Variants in TNIP2 observed in about 807,000 individuals in gnomAD.
The protein encoded by TNIP2 is TNFAIP3 interacting protein 2.
In TNIP2, 30 loss-of-function variants were observed where a neutral mutation model predicts 43.7. The ratio of observed to expected loss-of-function variants is 0.69; its 90% CI spans 0.51 to 0.93. The LOEUF (loss-of-function observed/expected upper bound fraction) is 0.93. Ranked by LOEUF, TNIP2 falls within the 40% of genes least tolerant of loss-of-function variation. The pLI is 0.00. For missense variants in TNIP2, 599 were observed against 591.0 expected (o/e 1.01, Z -0.14); for synonymous variants, 260 against 254.6 (o/e 1.02, Z -0.20).
At chr4:2,747,995 TC>T in intron 1 of TNIP2, 50 bp from the exon 2 acceptor site, 1 of 1,580,052 alleles carries the variant, frequency 6.3e-7, no homozygotes, top group East Asian at 2.2e-5. Context: ...AGAAGCAGTG[TC>T]AAGAGCAAAT....
chr4:2,755,474 C>A (rs1366165381), intron 1 of TNIP2, among the ~76,000 whole-genome samples: 1 of 147,600 alleles, frequency 6.8e-6, no homozygotes, highest in Non-Finnish European at 1.5e-5. Flanking sequence ...TCCCAACCCC[C>A]CAGGATCCAG....
chr4:2,754,789 G>C (rs1210247035), intron 1 of TNIP2, among the ~76,000 whole-genome samples: 3 of 152,116 alleles, frequency 2.0e-5, no homozygotes, highest in Non-Finnish European at 2.9e-5. Flanking sequence ...GCAGTGGTGC[G>C]ATCTTGGCTC....
chr4:2,745,091 G>A (rs375507494), intron 3 of TNIP2, 146 bp from the exon 4 acceptor site: 18 of 1,090,452 alleles, frequency 1.7e-5, no homozygotes, highest in East Asian at 5.2e-5. Flanking sequence ...GTTCTGTAGA[G>A]AGCAGACACT....
At chr4:2,742,594 C>T in intron 5 of TNIP2, 74 bp from the exon 6 acceptor site, 1 of 1,426,912 alleles carries the variant, frequency 7.0e-7, no homozygotes, top group Non-Finnish European at 9.3e-7. Context: ...GTTCCAGCAA[C>T]CAGAGGCACT....
intron 3 of TNIP2, 71 bp downstream of exon 3, chr4:2,745,375 C>T: frequency 8.3e-7 from 1 of 1,206,906 alleles, no homozygotes; most frequent in Non-Finnish European, 1.2e-6. Context: ...GGGCATCAGC[C>T]AAGGAAAGAA....
intron 1 of TNIP2, among the ~76,000 whole-genome samples, chr4:2,749,929 A>G (rs1722059012): frequency 6.6e-6 from 1 of 152,110 alleles, no homozygotes; most frequent in Admixed American, 6.6e-5. Flanking sequence ...CTCTTGCCTC[A>G]GCACCCTAAG....
chr4:2,753,995 G>C (rs1722163909), intron 1 of TNIP2, among the ~76,000 whole-genome samples: 1 of 152,210 alleles, frequency 6.6e-6, no homozygotes, highest in African/African-American at 2.4e-5. Flanking sequence ...GGAAAAACAG[G>C]AAGAAGGCAT....
chr4:2,745,659 T>C (rs1721927989), intron 2 of TNIP2, 124 bp from the exon 3 acceptor site: 13 of 701,084 alleles, frequency 1.9e-5, no homozygotes, highest in Non-Finnish European at 5.0e-6. Context: ...TAGTGATCAT[T>C]CATTTGGTAG....
At chr4:2,742,591 CA>C in intron 5 of TNIP2, 71 bp from the exon 6 acceptor site, 1 of 1,419,442 alleles carries the variant, frequency 7.0e-7, no homozygotes, top group Non-Finnish European at 9.3e-7. Context: ...CAGGTTCCAG[CA>C]ACCAGAGGCA....
chr4:2,750,755 C>A (rs1291265672), intron 1 of TNIP2, among the ~76,000 whole-genome samples: 1 of 151,668 alleles, frequency 6.6e-6, no homozygotes, highest in African/African-American at 2.4e-5. Context: ...CTCAAGCAAT[C>A]CTCCTCCTGC....
At chr4:2,750,700 G>C (rs1319668944) in intron 1 of TNIP2, among the ~76,000 whole-genome samples, 1 of 148,198 alleles carries the variant, frequency 6.7e-6, no homozygotes, top group Non-Finnish European at 1.5e-5. Flanking sequence ...TTTTGATAAA[G>C]ACAGGGTGTG....
chr4:2,744,377 C>A lies in TNIP2; in HGVS notation c.1026+10G>T, dbSNP rs1721879038. 2 of 1,614,186 alleles carry A rather than the reference C, an allele frequency of 1.2e-6. No homozygotes were observed. The highest frequency in any genetic ancestry group is 8.5e-7 in the Non-Finnish European group (1 of 1,180,034). ...ACCTAAGCAGGAAGAAAAACGCCCT[C>A]ATACTCTACCTGTCTCCAGGACACC... On this transcript the variant is annotated intron_variant, in intron 5 of 5. Transcript: ENST00000315423. This position sits in a 1 kb window ranked among gnomAD's most constrained non-coding sequence, Gnocchi z 5.1.
chr4:2,744,823 C>A lies in TNIP2; in HGVS notation c.780G>T (p.Glu260Asp). 2 of 1,613,874 alleles carry A rather than the reference C, an allele frequency of 1.2e-6. No individual in the cohort carries two copies. Among genetic ancestry groups the A allele is most frequent in the South Asian group, 1.1e-5 (1 of 91,090 alleles). ...CCAACTGTCTGTTGAGCCGGGAGATCTCCTTCCTCATCAGCTCGGGCTCGT... is the reference window on the plus strand; with the variant it reads ...CCAACTGTCTGTTGAGCCGGGAGATATCCTTCCTCATCAGCTCGGGCTCGT... ...IPHEPELMRK[E>D]ISRLNRQLEE... Residue 260 changes from glutamate (E) to aspartate (D), a missense_variant, in exon 4 of 6, where the codon GAG becomes GAT. Glu to Asp is a conservative substitution (Grantham distance 45, BLOSUM62 2). Transcript: ENST00000315423. This position sits in a 1 kb window ranked among gnomAD's most constrained non-coding sequence, Gnocchi z 5.1.
At chr4:2,745,025 A>G in intron 3 of TNIP2, 80 bp from the exon 4 acceptor site, 1 of 1,503,718 alleles carries the variant, frequency 6.7e-7, no homozygotes, top group Non-Finnish European at 8.9e-7. Context: ...TGAATTATGT[A>G]TTAGCAGTGA....
chr4:2,755,832 C>T (rs1722221989), intron 1 of TNIP2, 182 bp downstream of exon 1: 3 of 856,532 alleles, frequency 3.5e-6, no homozygotes, highest in Non-Finnish European at 4.8e-6. Context: ...GACCCGGCAC[C>T]CCCTCAACTC....
In TNIP2 at chr4:2,755,971, C is replaced by T. The variant is rs756761713; in HGVS notation, c.276+43G>A. The T allele has an allele frequency of 2.6e-5, 39 of 1,503,150 alleles. No individual in the cohort carries two copies. The East Asian group carries it at 8.1e-4, about 31-fold the overall frequency. 93.1% of individuals were successfully genotyped at this position (1,503,150 alleles called of 1,614,324 possible). A position where few individuals can be genotyped will look rare whatever the true frequency, so the allele number is the denominator to read the frequency against. ...CACCCAGGACCCGGCGGCCGCCACA[C>T]GCACTCTCGCTCCCGCAGCTCCTCT... On this transcript the variant is annotated intron_variant, in intron 1 of 5. Transcript: ENST00000315423.
At chr4:2,746,309 C>T (rs888127960) in intron 2 of TNIP2, among the ~76,000 whole-genome samples, 1 of 152,218 alleles carries the variant, frequency 6.6e-6, no homozygotes, top group South Asian at 2.1e-4. Context: ...CGGGAAGCCC[C>T]GGGTGACTCA....
chr4:2,753,268 G>A lies in TNIP2; in HGVS notation c.276+2746C>T, dbSNP rs1207657172. 4.6e-5 allele frequency among the ~76,000 whole-genome samples: 7 copies of A among 150,614 alleles called. No individual in the cohort carries two copies. In the South Asian group the frequency reaches 1.1e-3, roughly 23 times the overall value. On this transcript the variant is annotated intron_variant, in intron 1 of 5. Transcript: ENST00000315423. The stretch of plus-strand genomic sequence containing the variant: ...AGCCTGGGCGACACAGCAAGATCCC[G>A]TCTCTACAAAAAAAAAATAAAATTA...
rs550298483 is a variant in TNIP2, at chr4:2,743,668, G to A, written c.1026+719C>T. Among the ~76,000 whole-genome samples, 12 of 152,310 alleles carry A rather than the reference G, an allele frequency of 7.9e-5. No homozygotes were observed. The South Asian group carries it at 1.9e-3, about 24-fold the overall frequency. On this transcript the variant is annotated intron_variant, in intron 5 of 5. Transcript: ENST00000315423. The stretch of plus-strand genomic sequence containing the variant: ...TCCTAGCTCCAGCCCGGGACGCATC[G>A]ATTCTCAAGAGGCATCACTACTGTT...
Sources: gnomAD v4.1 joint callset for allele counts (sites outside exome capture counted in the v4.1 genomes callset) on GRCh38, gnomAD v4.1.1 for gene constraint, Gnocchi (gnomAD v3.1) non-coding constraint, MANE v1.5 for transcripts, NCBI Gene and HGNC (gene_info 2026-07-23, HGNC 2026-07-21) for gene names.